The following SPIRE1 variants were observed in gnomAD, a reference collection of about 807,000 sequenced individuals.
SPIRE1 encodes the protein protein spire homolog 1.
Under a neutral mutation model 94.1 loss-of-function variants are expected in SPIRE1, and 40 were observed. The observed-to-expected ratio is 0.43, with a 90% CI of 0.33 to 0.55. SPIRE1 has a LOEUF of 0.55. Ranked by LOEUF, SPIRE1 falls within the 20% of genes least tolerant of loss-of-function variation. The probability of loss-of-function intolerance (pLI) is 0.06; values close to 1 mark genes in which losing one functional copy is unlikely to be tolerated. For synonymous variants in SPIRE1, 376 were observed against 371.7 expected (o/e 1.01, Z -0.13); for missense variants, 838 against 975.2 (o/e 0.86, Z 1.87).
chr18:12,632,711 T>A (rs1202245892), intron 2 of SPIRE1, among the ~76,000 whole-genome samples: 1 of 150,606 alleles, frequency 6.6e-6, no homozygotes, highest in Admixed American at 6.7e-5. Flanking sequence ...ACTTTTTTTT[T>A]AATTCTGAAA....
At chr18:12,455,795 C>T (rs77665194) in intron 12 of SPIRE1, among the ~76,000 whole-genome samples, 1,653 of 152,294 alleles carry the variant, frequency 0.011, 13 homozygotes, top group Non-Finnish European at 0.017. Flanking sequence ...ACAACAGCAT[C>T]GCTCACAGGC....
At chr18:12,503,747 A>G (rs1470924380) in intron 6 of SPIRE1, among the ~76,000 whole-genome samples, 3 of 124,872 alleles carry the variant, frequency 2.4e-5, no homozygotes, top group Non-Finnish European at 5.4e-5. Context: ...CTTAACACAT[A>G]TATGTTAAAT....
At chr18:12,484,351 A>G (rs1327503403) in intron 9 of SPIRE1, among the ~76,000 whole-genome samples, 1 of 152,234 alleles carries the variant, frequency 6.6e-6, no homozygotes, top group Admixed American at 6.5e-5. Flanking sequence ...TTACAAGGTC[A>G]CTTTGCAAAT....
chr18:12,620,556 T>TA (rs1567972352), intron 2 of SPIRE1, among the ~76,000 whole-genome samples: 2 of 152,114 alleles, frequency 1.3e-5, no homozygotes, highest in African/African-American at 4.8e-5. Flanking sequence ...ATCCAACAGG[T>TA]AAAAAATATT....
chr18:12,453,253 G>A (rs752370773), intron 13 of SPIRE1, 115 bp from the exon 14 acceptor site: 14 of 608,170 alleles, frequency 2.3e-5, no homozygotes, highest in Non-Finnish European at 2.5e-5. Context: ...GACAAGAGGA[G>A]GAAGACAATT....
intron 10 of SPIRE1, among the ~76,000 whole-genome samples, chr18:12,467,428 C>A (rs1389434197): frequency 6.6e-6 from 1 of 152,186 alleles, no homozygotes; most frequent in Non-Finnish European, 1.5e-5. Flanking sequence ...AAAAACCTAG[C>A]ATGCAATTAG....
intron 1 of SPIRE1, 121 bp from the exon 2 acceptor site, chr18:12,635,217 G>A: frequency 3.5e-6 from 2 of 565,508 alleles, no homozygotes; most frequent in Non-Finnish European, 6.2e-6. Context: ...CTATGCAAAT[G>A]AAAGATGCTA....
intron 10 of SPIRE1, among the ~76,000 whole-genome samples, chr18:12,476,582 TATATATAC>T (rs1326053135): frequency 1.2e-4 from 14 of 117,712 alleles, no homozygotes; most frequent in Admixed American, 3.7e-4. Flanking sequence ...TATATATATA[TATATATAC>T]ACACACACAC....
intron 2 of SPIRE1, among the ~76,000 whole-genome samples, chr18:12,631,835 A>T (rs1450270695): frequency 6.6e-6 from 1 of 152,180 alleles, no homozygotes; most frequent in Non-Finnish European, 1.5e-5. Context: ...TCTGCACTCC[A>T]GTCTGGGTGA....
chr18:12,484,126 A>T (rs2032948391), intron 9 of SPIRE1, among the ~76,000 whole-genome samples: 2 of 152,168 alleles, frequency 1.3e-5, no homozygotes, highest in African/African-American at 4.8e-5. Flanking sequence ...GCATACTGTC[A>T]AGATCAGCAA....
intron 1 of SPIRE1, among the ~76,000 whole-genome samples, chr18:12,654,975 C>T (rs1187927599): frequency 2.0e-5 from 3 of 151,622 alleles, no homozygotes; most frequent in Admixed American, 2.0e-4. Flanking sequence ...TTGCAGTGAG[C>T]CAAGACTGTT....
intron 16 of SPIRE1, 73 bp from the exon 17 acceptor site, chr18:12,449,969 A>T (rs564917868): frequency 5.9e-5 from 84 of 1,423,186 alleles, no homozygotes; most frequent in South Asian, 4.0e-4. Flanking sequence ...AAATATGTAT[A>T]AAAAAAAGTA....
At chr18:12,508,823 C>T (rs564228306) in intron 5 of SPIRE1, among the ~76,000 whole-genome samples, 38 of 152,050 alleles carry the variant, frequency 2.5e-4, no homozygotes, top group African/African-American at 8.4e-4. Context: ...TACAGGTGCC[C>T]GCCACTATGC....
chr18:12,634,114 G>T (rs1385054890), intron 2 of SPIRE1, among the ~76,000 whole-genome samples: 2 of 152,016 alleles, frequency 1.3e-5, no homozygotes, highest in South Asian at 4.2e-4. Flanking sequence ...TGGGCGCGGT[G>T]GCGGGCGCCT....
At chr18:12,598,961 A>C (rs1325194016) in intron 2 of SPIRE1, among the ~76,000 whole-genome samples, 2 of 152,310 alleles carry the variant, frequency 1.3e-5, no homozygotes, top group South Asian at 2.1e-4. Context: ...AATTATCAGG[A>C]ATTCCTGTAT....
At chr18:12,623,879 C>A (rs1049226701) in intron 2 of SPIRE1, among the ~76,000 whole-genome samples, 1 of 151,622 alleles carries the variant, frequency 6.6e-6, no homozygotes, top group Non-Finnish European at 1.5e-5. Context: ...CCGCCTGCCT[C>A]GGCCTTCCAA....
At chr18:12,658,257 T>G (rs2038620395), upstream of SPIRE1, 1 of 465,096 alleles carries the variant, frequency 2.2e-6, no homozygotes, top group African/African-American at 2.1e-5. Flanking sequence ...CCGCACGGTC[T>G]CTAGCCCGCA....
At chr18:12,552,593 T>C (rs2035383380) in intron 2 of SPIRE1, among the ~76,000 whole-genome samples, 1 of 151,972 alleles carries the variant, frequency 6.6e-6, no homozygotes, top group South Asian at 2.1e-4. Flanking sequence ...CTGGGCCTGG[T>C]AGTTAAAGAT....
At position 12,508,233 on chromosome 18, in the gene SPIRE1, A is replaced by G. The variant is rs140183109; in HGVS notation, c.808-1592T>C. 1.8e-3 allele frequency among the ~76,000 whole-genome samples: 275 copies of G among 152,328 alleles called. 1 individual carries two copies. The highest frequency in any genetic ancestry group is 6.4e-3 in the African/African-American group (265 of 41,578). ...AAATCAAGTGATATATTTCATAAGA[A>G]TCTTCTATGTAAAATAACTGATTAA... On this transcript the variant is annotated intron_variant, in intron 5 of 16. Coordinates refer to ENST00000409402, the MANE Select transcript of SPIRE1 (RefSeq NM_001128626.2).
Sources: gnomAD v4.1 joint callset for allele counts (sites outside exome capture counted in the v4.1 genomes callset) on GRCh38, gnomAD v4.1.1 for gene constraint, MANE v1.5 for transcripts, NCBI Gene and HGNC (gene_info 2026-07-23, HGNC 2026-07-21) for gene names.